The following SETBP1 variants were observed in gnomAD, a reference collection of about 807,000 sequenced individuals.
SETBP1 encodes the protein SET binding protein 1, also known as SET-binding protein.
SETBP1 carries 9 observed loss-of-function variants against 101.0 expected under a neutral mutation model. The ratio of observed to expected loss-of-function variants is 0.09; its 90% CI spans 0.05 to 0.16. SETBP1 has a LOEUF of 0.16. SETBP1 is among the 10% of genes least tolerant of loss of function. The pLI is 1.00. For synonymous variants in SETBP1, 818 were observed against 788.5 expected (o/e 1.04, Z -0.63); for missense variants, 1,858 against 2,033.8 (o/e 0.91, Z 1.66).
chr18:44,994,528 A>G (rs950117999), intron 4 of SETBP1, among the ~76,000 whole-genome samples: 1 of 152,226 alleles, frequency 6.6e-6, no homozygotes, highest in African/African-American at 2.4e-5. Flanking sequence ...CAACAGTTTC[A>G]TTCCTCCATG....
intron 2 of SETBP1, among the ~76,000 whole-genome samples, chr18:44,851,113 C>A (rs1394738448): frequency 6.6e-6 from 1 of 152,144 alleles, no homozygotes; most frequent in African/African-American, 2.4e-5. Context: ...ATATTGTCAT[C>A]ATCATCATCA....
At chr18:44,937,933 G>A (rs1210735433) in intron 3 of SETBP1, among the ~76,000 whole-genome samples, 2 of 152,196 alleles carry the variant, frequency 1.3e-5, no homozygotes, top group East Asian at 3.8e-4. Context: ...ACAATGAACA[G>A]ACTTTAAAAT....
chr18:44,949,930 T>C lies in SETBP1; in HGVS notation c.590T>C (p.Leu197Pro), dbSNP rs768624047. Residue 197 changes from leucine to proline, a missense_variant, in exon 4 of 6, where the codon CTC becomes CCC. This residue lies in a region of SETBP1 where 581 missense variants were observed against 535.1 expected (regional missense o/e 1.09). Coordinates refer to ENST00000649279, the MANE Select transcript of SETBP1 (RefSeq NM_015559.3). ...TCAACTCTCCATTATGACACGGGCC[T>C]CCCACAGGACTTCACCGGTGACACC... ...KHSTLHYDTGLPQDFTGDTLK... is the reference protein window; with the variant it reads ...KHSTLHYDTGPPQDFTGDTLK... 1.2e-6 allele frequency: 2 copies of C among 1,613,772 alleles called. No homozygotes were observed. Among genetic ancestry groups the C allele is most frequent in the Admixed American group, 3.3e-5 (2 of 59,986 alleles).
chr18:44,896,834 C>T (rs1467124083), intron 3 of SETBP1, among the ~76,000 whole-genome samples: 1 of 152,128 alleles, frequency 6.6e-6, no homozygotes, highest in African/African-American at 2.4e-5. Flanking sequence ...TTGATAACCA[C>T]CATTATTTGT....
At chr18:45,007,142 A>G (rs2072746582) in intron 4 of SETBP1, among the ~76,000 whole-genome samples, 3 of 152,196 alleles carry the variant, frequency 2.0e-5, no homozygotes, top group Non-Finnish European at 4.4e-5. Flanking sequence ...TTCCACCCTC[A>G]GTCCTCTCAC....
At position 45,066,626 on chromosome 18, in the gene SETBP1, C is replaced by A. The variant is rs1403531793; in HGVS notation, c.*2928C>A. ...AAAACCCAGCTCTCCCAACCCTGAT[C>A]GTGGAGGTCTCTGGCCCCCCAACAC... On this transcript the variant is annotated 3_prime_UTR_variant, in exon 6 of 6. Coordinates refer to ENST00000649279, the MANE Select transcript of SETBP1 (RefSeq NM_015559.3). 6.6e-6 allele frequency: 1 copy of A among 150,694 alleles called. No homozygotes were observed. Among genetic ancestry groups the A allele is most frequent in the Non-Finnish European group, 1.5e-5 (1 of 67,816 alleles). 9.3% of individuals were successfully genotyped at this position (150,694 alleles called of 1,614,324 possible).
intron 4 of SETBP1, among the ~76,000 whole-genome samples, chr18:45,033,378 C>T (rs1305572059): frequency 2.0e-5 from 3 of 152,160 alleles, no homozygotes; most frequent in Admixed American, 6.6e-5. Flanking sequence ...TTTCCTTGTT[C>T]GTAAATTAGG....
intron 4 of SETBP1, among the ~76,000 whole-genome samples, chr18:45,030,859 C>T (rs200559310): frequency 6.6e-6 from 1 of 151,798 alleles, no homozygotes; most frequent in African/African-American, 2.4e-5. Context: ...GTGGTGATAT[C>T]CCCTTTATCA....
intron 1 of SETBP1, among the ~76,000 whole-genome samples, chr18:44,690,954 T>G (rs1176029581): frequency 1.3e-5 from 2 of 152,160 alleles, no homozygotes; most frequent in African/African-American, 4.8e-5. Context: ...ATTATTTACC[T>G]TTTTTTCCTG....
intron 2 of SETBP1, among the ~76,000 whole-genome samples, chr18:44,775,285 A>G (rs2070974471): frequency 6.6e-6 from 1 of 152,224 alleles, no homozygotes; most frequent in African/African-American, 2.4e-5. Context: ...GGTGTTCACC[A>G]TCTTCTGGGA....
chr18:44,861,761 G>A (rs1398116102), intron 2 of SETBP1, among the ~76,000 whole-genome samples: 2 of 152,142 alleles, frequency 1.3e-5, no homozygotes, highest in African/African-American at 4.8e-5. Flanking sequence ...CATATCACCA[G>A]TTTCTACCAG....
intron 2 of SETBP1, among the ~76,000 whole-genome samples, chr18:44,851,119 C>T (rs980868732): frequency 7.2e-5 from 11 of 152,146 alleles, no homozygotes; most frequent in Non-Finnish European, 1.5e-4. Flanking sequence ...TCATCATCAT[C>T]ATCATTATCA....
At chr18:44,975,295 C>T (rs567170306) in intron 4 of SETBP1, among the ~76,000 whole-genome samples, 1 of 152,338 alleles carries the variant, frequency 6.6e-6, no homozygotes, top group Admixed American at 6.5e-5. Context: ...GGGGAACATT[C>T]ATTGACCATT....
Position 44,952,658 on chromosome 18 carries a change from A to G in SETBP1, c.3318A>G (p.Ala1106=). 5 of 1,614,132 alleles carry G rather than the reference A, an allele frequency of 3.1e-6. No homozygotes were observed. The highest frequency in any genetic ancestry group is 2.2e-5 in the South Asian group (2 of 91,084). The stretch of plus-strand genomic sequence containing the variant: ...ACTCCCACGTAAAGATGTCCGGTGC[A>G]GCTAAGCATAAAGCCAAGCATGGAG... ...HTNSHVKMSG[A]AKHKAKHGVH... is the part of the protein sequence containing the mutation. The change falls in exon 4 of 6, where the codon GCA becomes GCG. Residue 1106 remains alanine, a synonymous_variant. Coordinates refer to ENST00000649279, the MANE Select transcript of SETBP1 (RefSeq NM_015559.3).
chr18:44,877,096 A>G (rs189526312), intron 3 of SETBP1: 168 of 1,019,364 alleles, frequency 1.6e-4, no homozygotes, highest in Middle Eastern at 9.5e-4. Context: ...TGTATCAGCT[A>G]TGCCATGGAT....
chr18:44,965,295 A>ACACG (rs1555636741), intron 4 of SETBP1, among the ~76,000 whole-genome samples: 2 of 151,536 alleles, frequency 1.3e-5, no homozygotes, highest in Non-Finnish European at 2.9e-5. Context: ...ACACACACAC[A>ACACG]CACACACACA....
intron 3 of SETBP1, among the ~76,000 whole-genome samples, chr18:44,914,550 G>C (rs996076609): frequency 6.6e-6 from 1 of 152,174 alleles, no homozygotes; most frequent in African/African-American, 2.4e-5. Flanking sequence ...CACTTTTTGA[G>C]TGACTATCAC....
At chr18:44,682,177 C>A (rs1254834671) in intron 1 of SETBP1, among the ~76,000 whole-genome samples, 1 of 152,206 alleles carries the variant, frequency 6.6e-6, no homozygotes, top group Non-Finnish European at 1.5e-5. Context: ...CCATCTCTTA[C>A]CCTCCTTTAG....
In SETBP1 at chr18:45,066,659, T is replaced by TG. The variant is rs777732826; in HGVS notation, c.*2966dup. 1 of 134,250 alleles carries TG rather than the reference T, an allele frequency of 7.4e-6. No homozygotes were observed. The highest frequency in any genetic ancestry group is 2.0e-4 in the East Asian group (1 of 4,992). 8.3% of individuals were successfully genotyped at this position (134,250 alleles called of 1,614,324 possible). On this transcript the variant is annotated 3_prime_UTR_variant, in exon 6 of 6. Coordinates refer to ENST00000649279, the MANE Select transcript of SETBP1 (RefSeq NM_015559.3). ...TCTCTGGCCCCCCAACACTGCCTTC[T>TG]GGGGGCTGCATTTTTTTTTTTTTTT...
Sources: allele counts gnomAD v4.1 joint callset (sites outside exome capture counted in the v4.1 genomes callset), GRCh38; gene constraint gnomAD v4.1.1; regional missense constraint gnomAD v4.1.1; transcripts MANE v1.5; gene names NCBI Gene and HGNC (gene_info 2026-07-23, HGNC 2026-07-21).